MYO9A: variants seen among roughly 807,000 people sequenced by gnomAD.
MYO9A encodes the protein myosin IXA.
MYO9A carries 103 observed loss-of-function variants against 293.3 expected under a neutral mutation model. The ratio of observed to expected loss-of-function variants is 0.35; its 90% CI spans 0.30 to 0.41. MYO9A has a LOEUF of 0.41. MYO9A is among the 10% of genes least tolerant of loss of function. The pLI, the probability that MYO9A is intolerant of heterozygous loss-of-function variation, is 1.00. For missense variants in MYO9A, 2,685 were observed against 3,033.0 expected, an observed-to-expected ratio of 0.89 and a Z score of 2.69; for synonymous variants, 1,001 against 1,035.7, an observed-to-expected ratio of 0.97 and a Z score of 0.64.
At chr15:71,934,499 G>A (rs1484618620) in intron 17 of MYO9A, among the ~76,000 whole-genome samples, 1 of 152,080 alleles carries the variant, frequency 6.6e-6, no homozygotes, top group East Asian at 1.9e-4. Context: ...TTCAGACAAG[G>A]ATTATGGAAT....
rs1469884990 is a variant in MYO9A, at chr15:71,899,756, C to A, written c.3401G>T (p.Arg1134Met). Residue 1134 changes from arginine (R) to methionine (M), a missense_variant, in exon 24 of 42, where the codon AGG becomes ATG. Physicochemically the swap from Arg to Met is moderately conservative, Grantham distance 91. Around this residue, in one of 10 missense-constraint regions of MYO9A, gnomAD observed 1,434 missense variants for 1,497.7 expected, o/e 0.96. Transcript: ENST00000356056. ...ARWKAYRESK[R>M]YQEQRKKIIL... The stretch of plus-strand genomic sequence containing the variant: ...AATTTTTTTCCTTTGTTCTTGGTAC[C>A]TTTTACTTTCCCTGTAGGCTTTCCA... 2.5e-6 allele frequency: 4 copies of A among 1,614,054 alleles called. No individual in the cohort carries two copies. The highest frequency in any genetic ancestry group is 3.4e-6 in the Non-Finnish European group (4 of 1,180,012).
intron 35 of MYO9A, 31 bp downstream of exon 35, chr15:71,854,346 T>TTTCA: frequency 1.5e-6 from 2 of 1,365,328 alleles, no homozygotes; most frequent in Non-Finnish European, 1.9e-6. Flanking sequence ...AATAAAAGTA[T>TTTCA]TTCATTATGA....
rs763499260 is a variant in MYO9A at position 71,878,250 on chromosome 15, G to A, written c.5740-19C>T. 2.7e-6 allele frequency: 4 copies of A among 1,480,914 alleles called. No homozygotes were observed. The South Asian group carries it at 5.7e-5, about 21-fold the overall frequency. The allele number at this position is 1,480,914 out of a possible 1,614,324, so 91.7% of individuals were successfully genotyped here. On this transcript the variant is annotated intron_variant, in intron 30 of 41. Transcript: ENST00000356056. ...CATCCATCTATAAGCAATAAGAAAA[G>A]AAATGTATGGTTTTATAAAGAAACT...
intron 27 of MYO9A, among the ~76,000 whole-genome samples, chr15:71,887,388 C>T (rs980398130): frequency 2.0e-5 from 3 of 152,120 alleles, no homozygotes; most frequent in Non-Finnish European, 4.4e-5. Flanking sequence ...CTCTACCCTC[C>T]CCTGTTCGCC....
intron 13 of MYO9A, among the ~76,000 whole-genome samples, 183 bp downstream of exon 13, chr15:71,967,801 A>G (rs2075914541): frequency 6.6e-6 from 1 of 152,204 alleles, no homozygotes; most frequent in African/African-American, 2.4e-5. Context: ...CAACAGAAAC[A>G]TTACCTTACC....
intron 32 of MYO9A, among the ~76,000 whole-genome samples, chr15:71,867,075 AACACACACACACAC>A (rs35264363): frequency 6.8e-6 from 1 of 147,986 alleles, no homozygotes; most frequent in East Asian, 2.0e-4. Context: ...CAAAAAACAA[AACACACACACACAC>A]ACACACACAC....
In MYO9A at chr15:71,875,786, CT is replaced by C; in HGVS notation, c.5979+4del. 7.4e-7 allele frequency: 1 copy of C among 1,343,392 alleles called. No individual in the cohort carries two copies. Among genetic ancestry groups the C allele is most frequent in the South Asian group, 2.1e-5 (1 of 47,174 alleles). The allele number at this position is 1,343,392 out of a possible 1,614,324, so 83.2% of individuals were successfully genotyped here. ...TTTTAATTTAAAAAACAGATTATAA[CT>C]TACCAAATCAGTTTCCTTTTTCCTT... On this transcript the variant is annotated splice_donor_region_variant and intron_variant, in intron 32 of 41. Coordinates refer to ENST00000356056, the MANE Select transcript of MYO9A (RefSeq NM_006901.4).
intron 27 of MYO9A, among the ~76,000 whole-genome samples, chr15:71,884,332 T>G (rs1360570035): frequency 6.6e-6 from 1 of 152,176 alleles, no homozygotes; most frequent in East Asian, 1.9e-4. Context: ...TTAATGTCAC[T>G]ATTTACATTC....
chr15:72,099,091 C>T (rs1596566038), intron 1 of MYO9A, among the ~76,000 whole-genome samples: 1 of 152,180 alleles, frequency 6.6e-6, no homozygotes, highest in Non-Finnish European at 1.5e-5. Flanking sequence ...CCCAGAAGTT[C>T]GAGATCAACC....
intron 15 of MYO9A, among the ~76,000 whole-genome samples, chr15:71,942,305 G>A (rs1026870232): frequency 2.6e-5 from 4 of 152,120 alleles, no homozygotes; most frequent in Admixed American, 2.6e-4. Context: ...GTGGGAAAAT[G>A]TACAAGAGAA....
At chr15:71,978,763 T>C (rs1347024896) in intron 11 of MYO9A, among the ~76,000 whole-genome samples, 1 of 137,292 alleles carries the variant, frequency 7.3e-6, no homozygotes, top group East Asian at 2.1e-4. Flanking sequence ...TTTGGCAAAA[T>C]ATAATCTTTA....
chr15:72,066,922 G>A (rs2079039285), intron 1 of MYO9A, among the ~76,000 whole-genome samples: 1 of 151,448 alleles, frequency 6.6e-6, no homozygotes, highest in Admixed American at 6.6e-5. Context: ...AAAGGAATCT[G>A]AGGGAAAAAA....
At chr15:71,856,053 G>A (rs1044187492) in intron 34 of MYO9A, among the ~76,000 whole-genome samples, 10 of 152,148 alleles carry the variant, frequency 6.6e-5, no homozygotes, top group South Asian at 2.1e-4. Context: ...GCTCACACCT[G>A]TAATCCCAGC....
At position 71,902,839 on chromosome 15, in the gene MYO9A, T is replaced by G. The variant is rs572673617; in HGVS notation, c.3000+102A>C. 4.2e-6 allele frequency: 4 copies of G among 943,644 alleles called. No individual in the cohort carries two copies. In the South Asian group the frequency reaches 8.5e-5, roughly 20 times the overall value. The allele number at this position is 943,644 out of a possible 1,614,324, so 58.5% of individuals were successfully genotyped here. On this transcript the variant is annotated intron_variant, in intron 22 of 41. Transcript: ENST00000356056. ...GGGCCTAACCAATTGTCTTCTGATATCTGATTCACTATCTTTTTAATAAAC... is the reference window on the plus strand; with the variant it reads ...GGGCCTAACCAATTGTCTTCTGATAGCTGATTCACTATCTTTTTAATAAAC...
intron 27 of MYO9A, among the ~76,000 whole-genome samples, chr15:71,886,597 T>G (rs1271184767): frequency 2.6e-5 from 4 of 152,170 alleles, no homozygotes; most frequent in Non-Finnish European, 5.9e-5. Context: ...GTCAGCCAGC[T>G]AGATGTATCT....
At chr15:72,075,789 TAAAG>T (rs1216159921) in intron 1 of MYO9A, among the ~76,000 whole-genome samples, 1 of 151,372 alleles carries the variant, frequency 6.6e-6, no homozygotes, top group East Asian at 2.0e-4. Flanking sequence ...AAAATAATAA[TAAAG>T]TAAGAAATAC....
chr15:72,039,085 T>C (rs2078149490), intron 2 of MYO9A, among the ~76,000 whole-genome samples: 1 of 152,130 alleles, frequency 6.6e-6, no homozygotes, highest in Non-Finnish European at 1.5e-5. Context: ...TAGAGACTTT[T>C]AGATTTTGGT....
chr15:72,105,370 C>T (rs187250977), intron 1 of MYO9A, among the ~76,000 whole-genome samples: 1 of 152,178 alleles, frequency 6.6e-6, no homozygotes, highest in Non-Finnish European at 1.5e-5. Context: ...ACCACAGGCA[C>T]ACACCACAAT....
chr15:71,897,352 G>A, intron 25 of MYO9A, 109 bp downstream of exon 25: 1 of 1,170,122 alleles, frequency 8.5e-7, no homozygotes, highest in Non-Finnish European at 1.2e-6. Flanking sequence ...AAGAGAAAAT[G>A]GCCAAGTTGA....
Sources: allele counts gnomAD v4.1 joint callset (sites outside exome capture counted in the v4.1 genomes callset), GRCh38; gene constraint gnomAD v4.1.1; regional missense constraint gnomAD v4.1.1; transcripts MANE v1.5; gene names NCBI Gene and HGNC (gene_info 2026-07-23, HGNC 2026-07-21).